Variants in TRERF1 observed in about 807,000 individuals in gnomAD.
TRERF1 encodes the protein transcriptional-regulating factor 1.
In TRERF1, 27 loss-of-function variants were observed where a neutral mutation model predicts 122.9. The ratio of observed to expected loss-of-function variants is 0.22; its 90% CI spans 0.16 to 0.30. TRERF1 has a LOEUF of 0.30. Among genes scored for constraint, TRERF1 ranks in the 10% least tolerant of loss-of-function variants. The probability of loss-of-function intolerance (pLI) is 1.00; values close to 1 mark genes in which losing one functional copy is unlikely to be tolerated. For missense variants in TRERF1, 1,248 were observed against 1,560.3 expected (o/e 0.80, Z 3.37); for synonymous variants, 636 against 641.7 (o/e 0.99, Z 0.13).
At chr6:42,278,442 TA>T (rs1392148737) in intron 4 of TRERF1, among the ~76,000 whole-genome samples, 4 of 152,230 alleles carry the variant, frequency 2.6e-5, no homozygotes, top group African/African-American at 9.6e-5. Context: ...TAAAGTCAGC[TA>T]CAGCCTATGG....
intron 13 of TRERF1, among the ~76,000 whole-genome samples, chr6:42,253,899 C>A (rs1342836769): frequency 1.3e-5 from 2 of 152,212 alleles, no homozygotes; most frequent in Non-Finnish European, 2.9e-5. Context: ...CAGGGTCTGC[C>A]CAGAGCACCA....
At chr6:42,243,675 G>A (rs1423042849) in intron 14 of TRERF1, among the ~76,000 whole-genome samples, 1 of 151,344 alleles carries the variant, frequency 6.6e-6, no homozygotes, top group African/African-American at 2.4e-5. Context: ...CTGCCTCCCA[G>A]GTTCACACCA....
intron 4 of TRERF1, among the ~76,000 whole-genome samples, chr6:42,273,112 G>C (rs1340507989): frequency 6.6e-6 from 1 of 152,070 alleles, no homozygotes; most frequent in Non-Finnish European, 1.5e-5. Flanking sequence ...TTCTCAGAAA[G>C]TTCACTCTGA....
chr6:42,376,262 C>G (rs1273123531), intron 2 of TRERF1, among the ~76,000 whole-genome samples: 1 of 152,236 alleles, frequency 6.6e-6, no homozygotes, highest in African/African-American at 2.4e-5. Flanking sequence ...AAAGGTTTCT[C>G]CTTTTATAAG....
At chr6:42,225,163 C>T (rs1468504483), downstream of TRERF1, 1 of 148,432 alleles carries the variant, frequency 6.7e-6, no homozygotes, top group Non-Finnish European at 1.5e-5. Flanking sequence ...AAAAGCTTAT[C>T]ACTTGGAGGG....
intron 2 of TRERF1, among the ~76,000 whole-genome samples, chr6:42,370,178 A>T (rs1773510984): frequency 6.6e-6 from 1 of 152,160 alleles, no homozygotes; most frequent in Non-Finnish European, 1.5e-5. Context: ...GGGAAAGCAT[A>T]TATTCTTTTC....
At chr6:42,369,467 A>G (rs1158210477) in intron 2 of TRERF1, among the ~76,000 whole-genome samples, 5 of 152,174 alleles carry the variant, frequency 3.3e-5, no homozygotes, top group East Asian at 1.9e-4. Context: ...AAACAAACAA[A>G]CAAACTGAGG....
At chr6:42,431,564 C>T (rs1784509803) in intron 2 of TRERF1, among the ~76,000 whole-genome samples, 2 of 152,168 alleles carry the variant, frequency 1.3e-5, no homozygotes, top group Admixed American at 6.5e-5. Flanking sequence ...CCTCTATTTA[C>T]ACCTCTTTAT....
intron 6 of TRERF1, 49 bp from the exon 7 acceptor site, chr6:42,264,903 G>A: frequency 3.1e-6 from 5 of 1,599,574 alleles, no homozygotes; most frequent in Non-Finnish European, 4.3e-6. Flanking sequence ...TTGAGGAAGG[G>A]GAAACAGTGA....
intron 2 of TRERF1, among the ~76,000 whole-genome samples, chr6:42,419,864 C>T (rs1197835038): frequency 6.6e-6 from 1 of 152,140 alleles, no homozygotes; most frequent in South Asian, 2.1e-4. Flanking sequence ...CCAATGGCCA[C>T]GGGTGGGTAA....
intron 2 of TRERF1, among the ~76,000 whole-genome samples, chr6:42,365,298 C>T (rs1290210132): frequency 2.0e-5 from 3 of 152,124 alleles, no homozygotes; most frequent in Non-Finnish European, 4.4e-5. Context: ...AGCCAGAGGC[C>T]GTGGTTTCGT....
At chr6:42,243,163 C>T in intron 15 of TRERF1, 85 bp downstream of exon 15, 1 of 1,202,666 alleles carries the variant, frequency 8.3e-7, no homozygotes, top group Non-Finnish European at 1.2e-6. Flanking sequence ...GGCAGCAAAG[C>T]CAAACCAAAC....
At chr6:42,320,506 A>ATTTTTTT (rs397977723) in intron 3 of TRERF1, among the ~76,000 whole-genome samples, 9,201 of 136,310 alleles carry the variant, frequency 0.068, 1,088 homozygotes, top group African/African-American at 0.25. Context: ...AAGTGAAAGA[A>ATTTTTTT]TTTTTTTTTT....
intron 2 of TRERF1, among the ~76,000 whole-genome samples, chr6:42,363,677 C>T (rs561256502): frequency 1.1e-4 from 16 of 152,232 alleles, no homozygotes; most frequent in African/African-American, 3.9e-4. Flanking sequence ...ATAGTTAAGA[C>T]GAGGTCCTAC....
At position 42,393,406 on chromosome 6, in the gene TRERF1, T is replaced by C. The variant is rs1778076777; in HGVS notation, c.-453-30327A>G. On this transcript the variant is annotated intron_variant, in intron 2 of 17. Coordinates refer to ENST00000372922, the Ensembl canonical transcript of TRERF1. The surrounding 1 kb of genome is among the most constrained non-coding windows in gnomAD (Gnocchi z 4.1). ...GGCCTCTCATCATCCCCTCTGCCCC[T>C]GAGAAGGAGGGCTTCTCAGAGAAGT... Among the ~76,000 whole-genome samples, 1 of 152,202 alleles carries C rather than the reference T, an allele frequency of 6.6e-6. No homozygotes were observed. The highest frequency in any genetic ancestry group is 6.5e-5 in the Admixed American group (1 of 15,280).
rs115364735 is a variant in TRERF1, at chr6:42,253,179, T to C, written c.2656+1672A>G. On this transcript the variant is annotated intron_variant, in intron 13 of 17. Transcript: ENST00000372922. ...GTACATAGCTTTCTGACCTTTTTAA[T>C]GTCATGATACACATAAAATGATACT... Among the ~76,000 whole-genome samples the C allele has an allele frequency of 5.9e-3, 899 of 152,310 alleles. 10 individuals carry two copies. Among genetic ancestry groups the C allele is most frequent in the African/African-American group, 0.02 (822 of 41,562 alleles).
intron 11 of TRERF1, 57 bp from the exon 12 acceptor site, chr6:42,256,888 AC>A: frequency 6.2e-7 from 1 of 1,613,286 alleles, no homozygotes; most frequent in Non-Finnish European, 8.5e-7. Flanking sequence ...AATGGAAAAC[AC>A]ACCAATCCCA....
chr6:42,356,457 C>T (rs1340166469), intron 3 of TRERF1, among the ~76,000 whole-genome samples: 1 of 152,242 alleles, frequency 6.6e-6, no homozygotes, highest in Non-Finnish European at 1.5e-5. Context: ...CAGGTGAGCA[C>T]ACAGCAAGAT....
At chr6:42,252,537 C>T (rs937679993) in intron 13 of TRERF1, among the ~76,000 whole-genome samples, 5 of 152,144 alleles carry the variant, frequency 3.3e-5, no homozygotes, top group Non-Finnish European at 7.3e-5. Context: ...GATAGGGTCC[C>T]AGCAAGGTGG....
Sources: gnomAD v4.1 joint callset for allele counts (sites outside exome capture counted in the v4.1 genomes callset) on GRCh38, gnomAD v4.1.1 for gene constraint, Gnocchi (gnomAD v3.1) non-coding constraint, MANE v1.5 for transcripts, NCBI Gene and HGNC (gene_info 2026-07-23, HGNC 2026-07-21) for gene names.